Variants in SLC35F1 observed in about 807,000 individuals in gnomAD.
SLC35F1 encodes the protein chromosome 6 open reading frame 169.
Under a neutral mutation model 48.7 loss-of-function variants are expected in SLC35F1, and 14 were observed. That is an observed-to-expected ratio of 0.29 (90% CI 0.19 to 0.45). The LOEUF (loss-of-function observed/expected upper bound fraction) is 0.45, where lower values mean the gene tolerates loss of function less well. Ranked by LOEUF, SLC35F1 falls within the 20% of genes least tolerant of loss-of-function variation. The probability of loss-of-function intolerance (pLI) is 1.00; values close to 1 mark genes in which losing one functional copy is unlikely to be tolerated. For synonymous variants in SLC35F1, 190 were observed against 202.2 expected (o/e 0.94, Z 0.51); for missense variants, 404 against 500.0 (o/e 0.81, Z 1.83).
intron 1 of SLC35F1, among the ~76,000 whole-genome samples, chr6:117,994,591 T>C (rs1776960969): frequency 6.6e-6 from 1 of 152,206 alleles, no homozygotes; most frequent in South Asian, 2.1e-4. Context: ...GTGAAGAAAC[T>C]AAATCCCAGA....
chr6:117,943,721 A>G (rs1409849060), intron 1 of SLC35F1, among the ~76,000 whole-genome samples: 2 of 152,196 alleles, frequency 1.3e-5, no homozygotes, highest in Non-Finnish European at 2.9e-5. Context: ...AAACCAAATA[A>G]AAGTTTCCCA....
At chr6:118,012,695 G>A (rs973979852) in intron 1 of SLC35F1, among the ~76,000 whole-genome samples, 1 of 152,172 alleles carries the variant, frequency 6.6e-6, no homozygotes, top group African/African-American at 2.4e-5. Context: ...TCAGAGCTAT[G>A]TGCCATTTTA....
At chr6:117,986,507 G>A (rs1190541699) in intron 1 of SLC35F1, among the ~76,000 whole-genome samples, 1 of 152,128 alleles carries the variant, frequency 6.6e-6, no homozygotes, top group Non-Finnish European at 1.5e-5. Flanking sequence ...ACAAGTGCTA[G>A]AGCCACCCTG....
At chr6:118,313,039 C>T (rs1182676112) in intron 7 of SLC35F1, among the ~76,000 whole-genome samples, 1 of 152,090 alleles carries the variant, frequency 6.6e-6, no homozygotes, top group South Asian at 2.1e-4. Flanking sequence ...TGTACCTGTT[C>T]GGCCACTGAG....
intron 1 of SLC35F1, among the ~76,000 whole-genome samples, chr6:118,026,268 A>G (rs1771941915): frequency 6.6e-6 from 1 of 152,190 alleles, no homozygotes; most frequent in African/African-American, 2.4e-5. Flanking sequence ...GGAGGATGGC[A>G]TGTGCGCAGA....
At chr6:118,296,706 G>A (rs1776190942) in intron 7 of SLC35F1, among the ~76,000 whole-genome samples, 1 of 152,202 alleles carries the variant, frequency 6.6e-6, no homozygotes, top group African/African-American at 2.4e-5. Context: ...AGATTGAACG[G>A]GCTAGAGGTA....
intron 7 of SLC35F1, among the ~76,000 whole-genome samples, chr6:118,301,457 A>G (rs1190175828): frequency 6.6e-6 from 1 of 152,218 alleles, no homozygotes; most frequent in Non-Finnish European, 1.5e-5. Flanking sequence ...AATGAGTTCA[A>G]TACCATCATA....
At chr6:118,281,069 T>A (rs1775977374) in intron 6 of SLC35F1, among the ~76,000 whole-genome samples, 1 of 151,750 alleles carries the variant, frequency 6.6e-6, no homozygotes, top group African/African-American at 2.4e-5. Context: ...TTTAAAACTC[T>A]GGTATGTTCA....
intron 1 of SLC35F1, among the ~76,000 whole-genome samples, chr6:118,105,719 C>T (rs1446365804): frequency 6.6e-6 from 1 of 152,146 alleles, no homozygotes; most frequent in Non-Finnish European, 1.5e-5. Flanking sequence ...TTTTTCATTT[C>T]ACACTTTTAT....
intron 1 of SLC35F1, among the ~76,000 whole-genome samples, chr6:117,916,795 C>T (rs1297699587): frequency 6.6e-6 from 1 of 152,038 alleles, no homozygotes; most frequent in East Asian, 1.9e-4. Context: ...CCTGGGGTCC[C>T]AACATGAGTG....
At position 118,184,913 on chromosome 6, in the gene SLC35F1, G is replaced by A. The variant is rs146114640; in HGVS notation, c.349+30293G>A. Among the ~76,000 whole-genome samples the A allele has an allele frequency of 2.5e-3, 384 of 152,266 alleles. 1 individual carries two copies. Among genetic ancestry groups the A allele is most frequent in the African/African-American group, 8.9e-3 (371 of 41,564 alleles). On this transcript the variant is annotated intron_variant, in intron 2 of 7. Coordinates refer to ENST00000360388, the MANE Select transcript of SLC35F1 (RefSeq NM_001029858.4). ...AAATCTTTCCCCATATCAGAGATAG[G>A]GTAGAGATTCTGTGACTATGGTCAG...
chr6:118,245,947 T>C (rs1775502168), intron 3 of SLC35F1, among the ~76,000 whole-genome samples: 1 of 152,160 alleles, frequency 6.6e-6, no homozygotes, highest in Admixed American at 6.5e-5. Context: ...GTTTCTCCCT[T>C]GTCAGTTTCC....
intron 1 of SLC35F1, among the ~76,000 whole-genome samples, chr6:117,927,318 G>GT (rs1776041471): frequency 6.6e-6 from 1 of 152,314 alleles, no homozygotes; most frequent in African/African-American, 2.4e-5. Flanking sequence ...ATCACAAAGT[G>GT]TAACTATGAT....
At chr6:118,052,944 T>A (rs558494882) in intron 1 of SLC35F1, among the ~76,000 whole-genome samples, 1 of 152,060 alleles carries the variant, frequency 6.6e-6, no homozygotes, top group Non-Finnish European at 1.5e-5. Context: ...GTTCAAAGAG[T>A]GTTTGTCCTG....
chr6:118,150,757 T>G (rs77760971), intron 1 of SLC35F1, among the ~76,000 whole-genome samples: 4,288 of 152,296 alleles, frequency 0.028, 211 homozygotes, highest in African/African-American at 0.098. Flanking sequence ...CTAAATTAAT[T>G]TTTAAATCAT....
chr6:118,223,755 G>A (rs934221689), intron 2 of SLC35F1, among the ~76,000 whole-genome samples: 1 of 152,158 alleles, frequency 6.6e-6, no homozygotes, highest in African/African-American at 2.4e-5. Flanking sequence ...TTCCCATGTT[G>A]GTTCTAACCT....
intron 6 of SLC35F1, among the ~76,000 whole-genome samples, chr6:118,282,257 G>A (rs1043459996): frequency 4.6e-5 from 7 of 152,154 alleles, no homozygotes; most frequent in African/African-American, 1.7e-4. Context: ...GCCAAGGAAG[G>A]GCAACGATAC....
At chr6:118,077,365 A>G (rs1293996518) in intron 1 of SLC35F1, among the ~76,000 whole-genome samples, 2 of 152,214 alleles carry the variant, frequency 1.3e-5, no homozygotes, top group Non-Finnish European at 2.9e-5. Flanking sequence ...TAGTTTTCCA[A>G]TGCATCACCC....
intron 1 of SLC35F1, among the ~76,000 whole-genome samples, chr6:118,062,675 T>C (rs1772557397): frequency 6.6e-6 from 1 of 152,166 alleles, no homozygotes; most frequent in African/African-American, 2.4e-5. Flanking sequence ...CATGAAAATA[T>C]GTGATTTTAA....
Sources: allele counts gnomAD v4.1 joint callset (sites outside exome capture counted in the v4.1 genomes callset), GRCh38; gene constraint gnomAD v4.1.1; transcripts MANE v1.5; gene names NCBI Gene and HGNC (gene_info 2026-07-23, HGNC 2026-07-21).